FAM184A: variants seen among roughly 807,000 people sequenced by gnomAD.
FAM184A encodes the protein protein FAM184A.
In FAM184A, 99 loss-of-function variants were observed where a neutral mutation model predicts 143.8. That is an observed-to-expected ratio of 0.69 (90% CI 0.58 to 0.81). The LOEUF is 0.81. FAM184A is among the 40% of genes least tolerant of loss of function. The probability of loss-of-function intolerance (pLI) is 0.00; values close to 1 mark genes in which losing one functional copy is unlikely to be tolerated. For missense variants in FAM184A, 1,217 were observed against 1,310.5 expected (o/e 0.93, Z 1.10); for synonymous variants, 427 against 446.4 (o/e 0.96, Z 0.55).
At chr6:119,051,642 G>A (rs144574389) in intron 1 of FAM184A, among the ~76,000 whole-genome samples, 11 of 151,602 alleles carry the variant, frequency 7.3e-5, no homozygotes, top group Middle Eastern at 3.2e-3. Context: ...AAATATATAC[G>A]AGTACTATGT....
intron 1 of FAM184A, among the ~76,000 whole-genome samples, chr6:119,131,173 T>C (rs1266652958): frequency 6.6e-6 from 1 of 152,146 alleles, no homozygotes; most frequent in Non-Finnish European, 1.5e-5. Flanking sequence ...TTGTATTTCT[T>C]GATGCCAATG....
intron 1 of FAM184A, among the ~76,000 whole-genome samples, chr6:119,103,742 C>A (rs1788703571): frequency 1.3e-5 from 2 of 152,106 alleles, no homozygotes; most frequent in East Asian, 3.9e-4. Flanking sequence ...CCTGGGCCAA[C>A]ATGGTGAAAC....
chr6:119,115,687 G>A (rs1262665149), intron 1 of FAM184A, among the ~76,000 whole-genome samples: 1 of 152,018 alleles, frequency 6.6e-6, no homozygotes, highest in African/African-American at 2.4e-5. Context: ...ATATGGCAGG[G>A]TGTGGTGGCT....
intron 14 of FAM184A, among the ~76,000 whole-genome samples, chr6:118,970,949 T>C (rs1206835483): frequency 6.6e-6 from 1 of 151,886 alleles, no homozygotes; most frequent in African/African-American, 2.4e-5. Context: ...AAGAAAAGGA[T>C]AAAAAAATAA....
chr6:118,974,885 T>C (rs1475521348), intron 13 of FAM184A, 139 bp downstream of exon 13: 3 of 629,762 alleles, frequency 4.8e-6, no homozygotes, highest in African/African-American at 3.7e-5. Flanking sequence ...AACATAGTCA[T>C]CAAATAAAGT....
In FAM184A at chr6:119,016,776, C is replaced by T; in HGVS notation, c.1501G>A (p.Ala501Thr). 1 of 1,614,096 alleles carries T rather than the reference C, an allele frequency of 6.2e-7. No homozygotes were observed. Residue 501 changes from alanine (A) to threonine (T), a missense_variant, in exon 5 of 18, where the codon GCA becomes ACA. Transcript: ENST00000338891. ...HMAIEAVHSN[A>T]IRDKKKLQMD... The stretch of plus-strand genomic sequence containing the variant: ...TGCAGTTTTTTCTTATCCCTAATTG[C>T]ATTACTGTGGACAGCTTCAATTGCC...
chr6:119,128,830 TGGATG>T (rs757444714), intron 1 of FAM184A, among the ~76,000 whole-genome samples: 10 of 151,948 alleles, frequency 6.6e-5, no homozygotes, highest in Non-Finnish European at 1.5e-4. Context: ...CTGTCTCCTG[TGGATG>T]GGGGAGGGGC....
chr6:118,995,998 C>T (rs930709279), intron 9 of FAM184A, among the ~76,000 whole-genome samples: 11 of 152,186 alleles, frequency 7.2e-5, no homozygotes, highest in Admixed American at 1.3e-4. Context: ...GTATTCTTAA[C>T]GCACACTCTC....
chr6:119,093,544 C>T (rs961612392), intron 1 of FAM184A, among the ~76,000 whole-genome samples: 1 of 152,106 alleles, frequency 6.6e-6, no homozygotes, highest in African/African-American at 2.4e-5. Context: ...TATTTCTTCC[C>T]ATAGAAGAAA....
At chr6:119,126,438 G>C (rs1007128951) in intron 1 of FAM184A, among the ~76,000 whole-genome samples, 1 of 152,238 alleles carries the variant, frequency 6.6e-6, no homozygotes, top group African/African-American at 2.4e-5. Flanking sequence ...GAGCTAGCTA[G>C]CTGCTTTGGC....
intron 9 of FAM184A, among the ~76,000 whole-genome samples, chr6:118,984,176 TA>T (rs1249970563): frequency 5.0e-5 from 7 of 141,214 alleles, no homozygotes; most frequent in African/African-American, 1.9e-4. Context: ...TATATATATA[TA>T]TTTATATATA....
chr6:119,020,001 G>C lies in FAM184A; in HGVS notation c.1309C>G (p.Gln437Glu), dbSNP rs773886154. The change falls in exon 4 of 18, where the codon CAA becomes GAA. Residue 437 changes from glutamine to glutamate, a missense_variant. Physicochemically the swap from Gln to Glu is conservative, Grantham distance 29. Coordinates refer to ENST00000338891, the MANE Select transcript of FAM184A (RefSeq NM_024581.6). ...ACCTTCTCCAGTTCTAGAATCTGTT[G>C]CTTCTGCTCTTCATCCAGACTTTGG... Reference protein sequence around the residue: ...KTQSLDEEQKQQILELEKKVN... With the variant: ...KTQSLDEEQKEQILELEKKVN... 6 of 1,591,296 alleles carry C rather than the reference G, an allele frequency of 3.8e-6. No individual in the cohort carries two copies. In the South Asian group the frequency reaches 5.8e-5, roughly 15 times the overall value.
chr6:119,103,928 G>GAAAAA (rs199961401), intron 1 of FAM184A, among the ~76,000 whole-genome samples: 1 of 72,894 alleles, frequency 1.4e-5, no homozygotes, highest in Admixed American at 1.4e-4. Context: ...TCCGTGTAGA[G>GAAAAA]AAAAAAAAAA....
intron 9 of FAM184A, among the ~76,000 whole-genome samples, chr6:119,001,491 G>A (rs1008060269): frequency 1.3e-5 from 2 of 151,846 alleles, no homozygotes; most frequent in African/African-American, 2.4e-5. Context: ...ATTATTTTAT[G>A]ATATACAGAA....
intron 10 of FAM184A, among the ~76,000 whole-genome samples, chr6:118,979,770 C>T (rs1261370009): frequency 6.6e-6 from 1 of 151,948 alleles, no homozygotes; most frequent in African/African-American, 2.4e-5. Flanking sequence ...AGGCTGGGCA[C>T]AGTGGCTCAC....
At chr6:119,000,377 G>A (rs981400887) in intron 9 of FAM184A, among the ~76,000 whole-genome samples, 42 of 152,166 alleles carry the variant, frequency 2.8e-4, no homozygotes, top group African/African-American at 9.2e-4. Context: ...TTGGACTAAA[G>A]TGTAATCATT....
intron 6 of FAM184A, among the ~76,000 whole-genome samples, chr6:119,010,488 T>C (rs1045586550): frequency 1.3e-5 from 2 of 152,208 alleles, no homozygotes; most frequent in Non-Finnish European, 2.9e-5. Context: ...AAATTATTTT[T>C]TCCTGCTTAT....
At chr6:119,102,623 A>G (rs1582617840) in intron 1 of FAM184A, among the ~76,000 whole-genome samples, 1 of 151,816 alleles carries the variant, frequency 6.6e-6, no homozygotes, top group East Asian at 1.9e-4. Context: ...CCCCGTCTCT[A>G]CTAAAAAATA....
intron 3 of FAM184A, among the ~76,000 whole-genome samples, chr6:119,020,452 T>C (rs1240128765): frequency 1.3e-5 from 2 of 152,128 alleles, no homozygotes; most frequent in South Asian, 2.1e-4. Context: ...TTTTTTAAGA[T>C]TGCAAGCTAA....
Sources: gnomAD v4.1 joint callset for allele counts (sites outside exome capture counted in the v4.1 genomes callset) on GRCh38, gnomAD v4.1.1 for gene constraint, MANE v1.5 for transcripts, NCBI Gene and HGNC (gene_info 2026-07-23, HGNC 2026-07-21) for gene names.